The following DCDC1 variants were observed in gnomAD, a reference collection of about 807,000 sequenced individuals.
The protein encoded by DCDC1 is doublecortin domain containing 1.
Under a neutral mutation model 178.3 loss-of-function variants are expected in DCDC1, and 200 were observed. The ratio of observed to expected loss-of-function variants is 1.12; its 90% confidence interval spans 1.00 to 1.26. The LOEUF is 1.26. Ranked by LOEUF, DCDC1 falls within the 50% of genes most tolerant of loss-of-function variation. DCDC1 has a pLI of 0.00. For synonymous variants in DCDC1, 690 were observed against 604.8 expected (o/e 1.14, Z -2.07); for missense variants, 1,983 against 1,749.2 (o/e 1.13, Z -2.38).
chr11:31,046,727 A>G (rs1954868404), intron 20 of DCDC1, among the ~76,000 whole-genome samples: 1 of 151,856 alleles, frequency 6.6e-6, no homozygotes, highest in South Asian at 2.1e-4. Flanking sequence ...TCGTGATGAG[A>G]GCTTTCTGCT....
chr11:30,921,400 C>A (rs988242995), intron 24 of DCDC1, among the ~76,000 whole-genome samples: 9 of 151,742 alleles, frequency 5.9e-5, no homozygotes, highest in African/African-American at 2.2e-4. Flanking sequence ...TGTCCTGGTT[C>A]CTGGAGAAAA....
chr11:31,146,080 T>TC (rs1964418851), intron 9 of DCDC1, among the ~76,000 whole-genome samples: 1 of 151,662 alleles, frequency 6.6e-6, no homozygotes, highest in African/African-American at 2.4e-5. Flanking sequence ...AGTCTTTTTT[T>TC]TTTTTTTTTT....
intron 2 of DCDC1, among the ~76,000 whole-genome samples, chr11:31,334,866 C>A (rs1308702500): frequency 6.6e-6 from 1 of 152,184 alleles, no homozygotes; most frequent in African/African-American, 2.4e-5. Context: ...GTCAGGGACC[C>A]ACTGAGGAGG....
intron 8 of DCDC1, among the ~76,000 whole-genome samples, chr11:31,257,330 T>C (rs1944476032): frequency 6.6e-6 from 1 of 152,164 alleles, no homozygotes; most frequent in Non-Finnish European, 1.5e-5. Flanking sequence ...TCAATCAAAG[T>C]AGGCTCTACA....
intron 18 of DCDC1, among the ~76,000 whole-genome samples, chr11:31,070,690 TCTC>T (rs1209744972): frequency 6.6e-6 from 1 of 152,168 alleles, no homozygotes; most frequent in Non-Finnish European, 1.5e-5. Context: ...CCAAATTCAC[TCTC>T]AGGATGCAAC....
Position 30,881,284 on chromosome 11 carries a change from G to T in DCDC1, c.5107C>A (p.Leu1703Ile). 1 of 1,613,374 alleles carries T rather than the reference G, an allele frequency of 6.2e-7. No individual in the cohort carries two copies. ...SELLQDCSSR[L>I]KMTHPARALY... is the part of the protein sequence containing the mutation. ...GCTCTAGCTGGGTGGGTCATTTTGA[G>T]ACGAGAGGAGCAGTCTTGCAGCAGC... The change falls in exon 37 of 39, where the codon CTC becomes ATC. Residue 1703 changes from leucine to isoleucine, a missense_variant. Coordinates refer to ENST00000684477, the MANE Select transcript of DCDC1 (RefSeq NM_001387274.1).
chr11:31,099,199 TATTAA>T (rs1250768808), intron 15 of DCDC1, among the ~76,000 whole-genome samples: 1 of 152,196 alleles, frequency 6.6e-6, no homozygotes, highest in Non-Finnish European at 1.5e-5. Flanking sequence ...CTTAATCGAC[TATTAA>T]ATTCAATTCA....
chr11:31,214,634 T>C (rs1407450991), intron 9 of DCDC1, among the ~76,000 whole-genome samples: 2 of 152,092 alleles, frequency 1.3e-5, no homozygotes, highest in Non-Finnish European at 2.9e-5. Flanking sequence ...TAATAGGAAG[T>C]GACAGGAAAC....
At chr11:31,134,870 C>T (rs1463271848) in intron 10 of DCDC1, among the ~76,000 whole-genome samples, 1 of 152,100 alleles carries the variant, frequency 6.6e-6, no homozygotes, top group Non-Finnish European at 1.5e-5. Flanking sequence ...GTGGTATATG[C>T]CTAAAGTCCC....
intron 11 of DCDC1, among the ~76,000 whole-genome samples, chr11:31,118,645 G>C (rs1960337053): frequency 1.3e-5 from 2 of 152,172 alleles, no homozygotes; most frequent in Admixed American, 6.5e-5. Context: ...TATGGAGAAG[G>C]ACAATCTCAC....
chr11:30,986,109 C>T (rs1220995170), intron 20 of DCDC1, among the ~76,000 whole-genome samples: 1 of 151,998 alleles, frequency 6.6e-6, no homozygotes, highest in African/African-American at 2.4e-5. Context: ...ATCAGAAACC[C>T]AAAGCATGTC....
At chr11:31,127,972 C>T (rs1026846887) in intron 10 of DCDC1, among the ~76,000 whole-genome samples, 3 of 152,076 alleles carry the variant, frequency 2.0e-5, no homozygotes, top group Non-Finnish European at 2.9e-5. Context: ...ATAAAACCCT[C>T]CTAGGACTTT....
chr11:31,042,040 T>C (rs1954492668), intron 20 of DCDC1, among the ~76,000 whole-genome samples: 1 of 152,220 alleles, frequency 6.6e-6, no homozygotes, highest in Non-Finnish European at 1.5e-5. Context: ...CATCAGCAAC[T>C]ACCTTCTTGT....
rs555918788 is a variant in DCDC1 at position 30,863,638 on chromosome 11, A to T, written c.*1735T>A. On this transcript the variant is annotated 3_prime_UTR_variant, in exon 39 of 39. Coordinates refer to ENST00000684477, the MANE Select transcript of DCDC1 (RefSeq NM_001387274.1). Reference sequence around the variant, plus strand: ...TCTACATGGTTTATTGTTTTTGAATAAAACAAAATAAGATATTACTACAGA... The same window carrying T: ...TCTACATGGTTTATTGTTTTTGAATTAAACAAAATAAGATATTACTACAGA... 1.3e-4 allele frequency: 20 copies of T among 152,370 alleles called. No individual in the cohort carries two copies. The highest frequency in any genetic ancestry group is 4.8e-4 in the African/African-American group (20 of 41,592). 9.4% of individuals were successfully genotyped at this position (152,370 alleles called of 1,614,324 possible).
At chr11:31,344,606 C>T (rs763280653) in intron 1 of DCDC1, among the ~76,000 whole-genome samples, 1 of 152,186 alleles carries the variant, frequency 6.6e-6, no homozygotes, top group East Asian at 1.9e-4. Context: ...GTGTTTGGCA[C>T]ATAGTAGGCA....
chr11:30,867,809 A>G (rs1467415622), intron 38 of DCDC1, among the ~76,000 whole-genome samples: 4 of 146,022 alleles, frequency 2.7e-5, no homozygotes, highest in Admixed American at 2.7e-4. Flanking sequence ...GAGAGAGAGG[A>G]AAAAATAAAA....
chr11:30,974,928 A>G (rs1208642727), intron 20 of DCDC1, among the ~76,000 whole-genome samples: 3 of 152,132 alleles, frequency 2.0e-5, no homozygotes, highest in Non-Finnish European at 4.4e-5. Context: ...CAAAAAGAAA[A>G]ATACAAGCCA....
intron 17 of DCDC1, among the ~76,000 whole-genome samples, chr11:31,088,554 T>TA (rs1372908259): frequency 1.3e-5 from 2 of 152,310 alleles, no homozygotes; most frequent in South Asian, 4.1e-4. Flanking sequence ...ACAAATGGTA[T>TA]AAAAAAATCT....
chr11:30,868,913 C>T (rs111510336), intron 38 of DCDC1, among the ~76,000 whole-genome samples: 3,549 of 152,298 alleles, frequency 0.023, 122 homozygotes, highest in African/African-American at 0.08. Flanking sequence ...CTCTGTGGGA[C>T]TAATTTAATA....
Sources: gnomAD v4.1 joint callset for allele counts (sites outside exome capture counted in the v4.1 genomes callset) on GRCh38, gnomAD v4.1.1 for gene constraint, MANE v1.5 for transcripts, NCBI Gene and HGNC (gene_info 2026-07-23, HGNC 2026-07-21) for gene names.